XPA: variants seen among roughly 807,000 people sequenced by gnomAD.
XPA encodes XPA, DNA damage recognition and repair factor.
In XPA, 27 loss-of-function variants were observed where a neutral mutation model predicts 35.7. The ratio of observed to expected loss-of-function variants is 0.76; its 90% CI spans 0.56 to 1.04. XPA has a LOEUF of 1.04. Ranked by LOEUF, XPA falls within the 50% of genes least tolerant of loss-of-function variation. The pLI is 0.00. For missense variants in XPA, 354 were observed against 342.7 expected, an observed-to-expected ratio of 1.03 and a Z score of -0.26; for synonymous variants, 133 against 118.4, an observed-to-expected ratio of 1.12 and a Z score of -0.80.
chr9:97,672,753 TATG>T (rs1828230350), downstream of XPA: 1 of 177,590 alleles, frequency 5.6e-6, no homozygotes, highest in African/African-American at 2.4e-5. Context: ...TGAAGACCTT[TATG>T]ATGATCCACT....
At chr9:97,682,497 A>T in intron 5 of XPA, 1 of 515,064 alleles carries the variant, frequency 1.9e-6, no homozygotes, top group Non-Finnish European at 3.9e-6. Flanking sequence ...CACATTAAAC[A>T]CCAGAAGACA....
Position 97,675,110 on chromosome 9 carries a change from C to T in XPA, c.*329G>A. The T allele has an allele frequency of 1.8e-6, 1 of 546,894 alleles. No individual in the cohort carries two copies. Among genetic ancestry groups the T allele is most frequent in the East Asian group, 3.8e-5 (1 of 26,082 alleles). The allele number at this position is 546,894 out of a possible 1,614,324, so 33.9% of individuals were successfully genotyped here. ...CAGCCTTTGTTGAACCCTTTTCCCTCTACCCCAATCTAGGGTTTGCCTTGG... is the reference window on the plus strand; with the variant it reads ...CAGCCTTTGTTGAACCCTTTTCCCTTTACCCCAATCTAGGGTTTGCCTTGG... On this transcript the variant is annotated 3_prime_UTR_variant, in exon 6 of 6. Coordinates refer to ENST00000375128, the MANE Select transcript of XPA (RefSeq NM_000380.4).
chr9:97,681,225 A>G (rs1043005810), intron 5 of XPA, among the ~76,000 whole-genome samples: 3 of 152,234 alleles, frequency 2.0e-5, no homozygotes, highest in African/African-American at 7.2e-5. Flanking sequence ...ACTAGCTGCG[A>G]GAGACAAGAT....
At chr9:97,672,935 T>C (rs945050808), downstream of XPA, 20 of 152,682 alleles carry the variant, frequency 1.3e-4, no homozygotes, top group Admixed American at 1.2e-3. Flanking sequence ...GAGACCATCC[T>C]GGCTAACACA....
At chr9:97,685,595 T>C (rs545239169) in intron 4 of XPA, among the ~76,000 whole-genome samples, 1 of 152,312 alleles carries the variant, frequency 6.6e-6, no homozygotes, top group Admixed American at 6.5e-5. Flanking sequence ...CTTTACTCTT[T>C]ATAGTATTTA....
intron 5 of XPA, among the ~76,000 whole-genome samples, chr9:97,680,424 G>C (rs1828502690): frequency 6.6e-6 from 1 of 152,098 alleles, no homozygotes. Flanking sequence ...GGCCAGGCTG[G>C]TCTCAAACTC....
the XPA span, chr9:97,668,958 T>A: frequency 6.2e-7 from 1 of 1,611,328 alleles, no homozygotes; most frequent in Admixed American, 1.7e-5. Flanking sequence ...AAGAATCTTT[T>A]CCTCGTTATA....
chr9:97,665,102 C>CTT, the XPA span, among the ~76,000 whole-genome samples: 1 of 152,166 alleles, frequency 6.6e-6, no homozygotes, highest in African/African-American at 2.4e-5. Context: ...CTTGTAAAAA[C>CTT]ATAAAAGTCC....
intron 4 of XPA, among the ~76,000 whole-genome samples, chr9:97,685,466 G>A (rs866941759): frequency 6.6e-6 from 1 of 152,182 alleles, no homozygotes; most frequent in African/African-American, 2.4e-5. Flanking sequence ...TCTCCTTCAA[G>A]ATCAATAATT....
chr9:97,669,733 T>G, the XPA span: 2 of 1,417,610 alleles, frequency 1.4e-6, no homozygotes, highest in East Asian at 4.5e-5. Flanking sequence ...GATTAGGTAA[T>G]AACACTATTC....
chr9:97,693,851 T>C, intron 1 of XPA, 92 bp from the exon 2 acceptor site: 1 of 1,139,920 alleles, frequency 8.8e-7, no homozygotes, highest in African/African-American at 1.5e-5. Context: ...GAATTCAATA[T>C]ATCTCAAACA....
intron 1 of XPA, 61 bp downstream of exon 1, chr9:97,697,060 G>A: frequency 1.3e-6 from 2 of 1,484,044 alleles, no homozygotes; most frequent in Non-Finnish European, 8.9e-7. Flanking sequence ...GCTTGCACGA[G>A]CCAGTCTGGG....
chr9:97,694,496 C>T (rs1828985702), intron 1 of XPA, among the ~76,000 whole-genome samples: 2 of 152,070 alleles, frequency 1.3e-5, no homozygotes, highest in African/African-American at 4.8e-5. Flanking sequence ...TCCAAACGGC[C>T]AAAAAGCACA....
the XPA span, among the ~76,000 whole-genome samples, chr9:97,656,822 ACT>A: frequency 2.6e-5 from 4 of 151,890 alleles, no homozygotes; most frequent in African/African-American, 7.3e-5. Flanking sequence ...AAACAAAACC[ACT>A]CTCCTACCTA....
In XPA at chr9:97,675,327, TTTCA is replaced by T; in HGVS notation, c.*108_*111del. 4 of 1,165,564 alleles carry T rather than the reference TTTCA, an allele frequency of 3.4e-6. No homozygotes were observed. Among genetic ancestry groups the T allele is most frequent in the Non-Finnish European group, 4.8e-6 (4 of 825,198 alleles). 72.2% of individuals were successfully genotyped at this position (1,165,564 alleles called of 1,614,324 possible). On this transcript the variant is annotated 3_prime_UTR_variant, in exon 6 of 6. Coordinates refer to ENST00000375128, the MANE Select transcript of XPA (RefSeq NM_000380.4). ...TACTGAAGTATTACTTATACAAGGG[TTTCA>T]TTCATCTATGAAGATGTTGCTTTTT...
the XPA span, chr9:97,664,219 T>C: frequency 1.8e-6 from 1 of 561,520 alleles, no homozygotes; most frequent in Non-Finnish European, 3.1e-6. Context: ...ATCAATTCCA[T>C]AGCCACCAAA....
chr9:97,689,514 A>G lies in XPA; in HGVS notation c.389+20T>C, dbSNP rs1828817697. On this transcript the variant is annotated intron_variant, in intron 3 of 5. Transcript: ENST00000375128. ...TACACATAAACATTAGCAATTAAGA[A>G]CACCATCTAAAATAAGTACCTGCAG... The G allele has an allele frequency of 1.3e-6, 2 of 1,481,902 alleles. No individual in the cohort carries two copies. The highest frequency in any genetic ancestry group is 1.9e-6 in the Non-Finnish European group (2 of 1,060,190). The allele number at this position is 1,481,902 out of a possible 1,614,324, so 91.8% of individuals were successfully genotyped here. A position where few individuals can be genotyped will look rare whatever the true frequency, so the allele number is the denominator to read the frequency against.
downstream of XPA, among the ~76,000 whole-genome samples, chr9:97,674,203 A>T (rs968984819): frequency 1.3e-5 from 2 of 151,764 alleles, no homozygotes; most frequent in African/African-American, 4.9e-5. Flanking sequence ...ATCTGTTGTC[A>T]TCAAGCTGAA....
intron 2 of XPA, among the ~76,000 whole-genome samples, chr9:97,692,901 C>T (rs1196434539): frequency 6.6e-6 from 1 of 152,086 alleles, no homozygotes; most frequent in African/African-American, 2.4e-5. Flanking sequence ...AAAACCAGTC[C>T]CTGATGCAAA....
Sources: gnomAD v4.1 joint callset for allele counts (sites outside exome capture counted in the v4.1 genomes callset) on GRCh38, gnomAD v4.1.1 for gene constraint, MANE v1.5 for transcripts, NCBI Gene and HGNC (gene_info 2026-07-23, HGNC 2026-07-21) for gene names.